Variants in PDE3A observed in about 807,000 individuals in gnomAD.
PDE3A encodes the protein phosphodiesterase 3A.
A neutral mutation model predicts 98.3 loss-of-function variants in PDE3A; 43 were observed. The ratio of observed to expected loss-of-function variants is 0.44; its 90% confidence interval spans 0.34 to 0.56. The LOEUF is 0.56. Among genes scored for constraint, PDE3A ranks in the 20% least tolerant of loss-of-function variants. The probability of loss-of-function intolerance (pLI) is 0.01; values close to 1 mark genes in which losing one functional copy is unlikely to be tolerated. For synonymous variants in PDE3A, 663 were observed against 567.9 expected (o/e 1.17, Z -2.38); for missense variants, 1,427 against 1,440.7 (o/e 0.99, Z 0.15).
intron 1 of PDE3A, among the ~76,000 whole-genome samples, chr12:20,413,680 G>T (rs1267351609): frequency 6.6e-6 from 1 of 152,160 alleles, no homozygotes; most frequent in African/African-American, 2.4e-5. Flanking sequence ...AGCTCTACTT[G>T]TCAAGGATTT....
chr12:20,391,846 T>C (rs189471111), intron 1 of PDE3A, among the ~76,000 whole-genome samples: 4 of 151,988 alleles, frequency 2.6e-5, no homozygotes, highest in East Asian at 3.9e-4. Flanking sequence ...ACAACAGATA[T>C]GGTATGACTG....
At chr12:20,436,849 G>A (rs1056604581) in intron 1 of PDE3A, among the ~76,000 whole-genome samples, 2 of 152,118 alleles carry the variant, frequency 1.3e-5, no homozygotes, top group South Asian at 2.1e-4. Flanking sequence ...ATGTAATTGC[G>A]AATTAGCCCT....
At chr12:20,419,736 G>GCAT (rs1565543286) in intron 1 of PDE3A, among the ~76,000 whole-genome samples, 1 of 53,106 alleles carries the variant, frequency 1.9e-5, no homozygotes, top group Non-Finnish European at 3.6e-5. Flanking sequence ...ATTTAATATT[G>GCAT]TATTTTTTTT....
In PDE3A at chr12:20,510,065, T is replaced by TTC. The variant is rs1323666114; in HGVS notation, c.961-46595_961-46594insTC. 8.5e-5 allele frequency among the ~76,000 whole-genome samples: 13 copies of TTC among 152,156 alleles called. No individual in the cohort carries two copies. The East Asian group carries it at 2.3e-3, about 27-fold the overall frequency. On this transcript the variant is annotated intron_variant, in intron 1 of 15. Transcript: ENST00000359062. ...ATAGTTTTCAAATGGAAATTTTTAA[T>TTC]CATTTTATGGTAGACATTATTTCAT... is the stretch of plus-strand genomic sequence containing the variant.
At chr12:20,527,182 G>C (rs1370292805) in intron 1 of PDE3A, among the ~76,000 whole-genome samples, 2 of 152,032 alleles carry the variant, frequency 1.3e-5, no homozygotes. Context: ...GATTACAGGG[G>C]TGAGCCACTG....
At chr12:20,390,255 A>G (rs1943888038) in intron 1 of PDE3A, among the ~76,000 whole-genome samples, 1 of 151,842 alleles carries the variant, frequency 6.6e-6, no homozygotes, top group South Asian at 2.1e-4. Context: ...AGGTTGAGGA[A>G]TTTGATATTT....
chr12:20,482,997 T>C (rs965384165), intron 1 of PDE3A, among the ~76,000 whole-genome samples: 1 of 152,116 alleles, frequency 6.6e-6, no homozygotes, highest in Non-Finnish European at 1.5e-5. Flanking sequence ...ACATAAAAGT[T>C]GTATTTCCTC....
rs1944003098 is a variant in PDE3A, at chr12:20,616,221, C to T, written c.1270-9C>T. ...TATTCTGGGTAATGAAGTCAAGTCT[C>T]TTTCCTAGCGCCTGAGAAGGAGTTT... On this transcript the variant is annotated splice_polypyrimidine_tract_variant and intron_variant, in intron 3 of 15. Coordinates refer to ENST00000359062, the MANE Select transcript of PDE3A (RefSeq NM_000921.5). 1 of 1,613,152 alleles carries T rather than the reference C, an allele frequency of 6.2e-7. No individual in the cohort carries two copies. Among genetic ancestry groups the T allele is most frequent in the African/African-American group, 1.3e-5 (1 of 74,884 alleles).
At chr12:20,495,373 T>C (rs960467610) in intron 1 of PDE3A, among the ~76,000 whole-genome samples, 1 of 152,166 alleles carries the variant, frequency 6.6e-6, no homozygotes, top group African/African-American at 2.4e-5. Flanking sequence ...AAGCTCAGTG[T>C]TTTGAAAGGT....
At chr12:20,429,664 G>A (rs1944661942) in intron 1 of PDE3A, among the ~76,000 whole-genome samples, 1 of 152,134 alleles carries the variant, frequency 6.6e-6, no homozygotes, top group South Asian at 2.1e-4. Context: ...AGCATCTGCT[G>A]CATTCAAAAC....
chr12:20,458,592 T>C (rs1945192422), intron 1 of PDE3A, among the ~76,000 whole-genome samples: 1 of 152,158 alleles, frequency 6.6e-6, no homozygotes, highest in Non-Finnish European at 1.5e-5. Context: ...TTTTCACTAC[T>C]ATAAGCAGAA....
intron 15 of PDE3A, among the ~76,000 whole-genome samples, chr12:20,670,722 A>G (rs1378645139): frequency 7.0e-6 from 1 of 142,344 alleles, no homozygotes; most frequent in African/African-American, 2.8e-5. Context: ...AATTTATAGC[A>G]CTAAATGCCC....
intron 1 of PDE3A, among the ~76,000 whole-genome samples, chr12:20,470,980 G>A (rs1030759626): frequency 6.6e-6 from 1 of 152,022 alleles, no homozygotes; most frequent in Non-Finnish European, 1.5e-5. Context: ...GAAGGTGTCT[G>A]TCTGTAATCC....
At chr12:20,515,699 ATTATTTATTTATTTATTTATTTATTTAT>A (rs58454608) in intron 1 of PDE3A, among the ~76,000 whole-genome samples, 3 of 141,042 alleles carry the variant, frequency 2.1e-5, no homozygotes, top group African/African-American at 5.3e-5. Context: ...CTCACACTGT[ATTATTTATTTATTTATTTATTTATTTAT>A]TTATTTATTT....
chr12:20,437,175 T>A (rs932916862), intron 1 of PDE3A, among the ~76,000 whole-genome samples: 14 of 152,064 alleles, frequency 9.2e-5, no homozygotes, highest in Middle Eastern at 3.2e-3. Flanking sequence ...ATAAATCAAC[T>A]TTGAGACTAG....
chr12:20,574,829 C>A (rs10841563), intron 2 of PDE3A, among the ~76,000 whole-genome samples: 4 of 151,784 alleles, frequency 2.6e-5, no homozygotes, highest in Non-Finnish European at 5.9e-5. Flanking sequence ...CTCCCACAAA[C>A]GGCAAGATAT....
chr12:20,656,443 G>A (rs1945046463), intron 15 of PDE3A, among the ~76,000 whole-genome samples: 1 of 152,128 alleles, frequency 6.6e-6, no homozygotes, highest in Non-Finnish European at 1.5e-5. Flanking sequence ...ATTACTTTTT[G>A]TAGAATGGGG....
intron 15 of PDE3A, 121 bp downstream of exon 15, chr12:20,654,326 G>A (rs1172157464): frequency 1.2e-6 from 1 of 868,066 alleles, no homozygotes; most frequent in African/African-American, 1.7e-5. Context: ...TGCGGAGTTT[G>A]ACTACGGATA....
chr12:20,605,190 G>T (rs927555981), intron 2 of PDE3A, among the ~76,000 whole-genome samples: 1 of 152,114 alleles, frequency 6.6e-6, no homozygotes, highest in African/African-American at 2.4e-5. Context: ...AATATAACAG[G>T]CCTAAAGAGA....
Sources: allele counts gnomAD v4.1 joint callset (sites outside exome capture counted in the v4.1 genomes callset), GRCh38; gene constraint gnomAD v4.1.1; transcripts MANE v1.5; gene names NCBI Gene and HGNC (gene_info 2026-07-23, HGNC 2026-07-21).